FAF2: variants seen among roughly 807,000 people sequenced by gnomAD.
FAF2 encodes Fas associated factor family member 2.
In FAF2, 9 loss-of-function variants were observed where a neutral mutation model predicts 62.3. That is an observed-to-expected ratio of 0.14 (90% CI 0.09 to 0.25). The LOEUF is 0.25. Ranked by LOEUF, FAF2 falls within the 10% of genes least tolerant of loss-of-function variation. The pLI is 1.00. For synonymous variants in FAF2, 202 were observed against 198.0 expected, an observed-to-expected ratio of 1.02 and a Z score of -0.17; for missense variants, 368 against 556.2, an observed-to-expected ratio of 0.66 and a Z score of 3.40.
intron 10 of FAF2, among the ~76,000 whole-genome samples, chr5:176,502,632 G>A (rs551426888): frequency 6.6e-6 from 1 of 152,200 alleles, no homozygotes; most frequent in South Asian, 2.1e-4. Context: ...TGAGAGTTTT[G>A]GAGGAAAAAT....
chr5:176,490,152 A>G (rs1336833345), intron 4 of FAF2, among the ~76,000 whole-genome samples: 1 of 152,074 alleles, frequency 6.6e-6, no homozygotes, highest in Non-Finnish European at 1.5e-5. Context: ...TCTACTAAAA[A>G]TACAAAAAAT....
chr5:176,492,479 A>T, intron 5 of FAF2, 147 bp downstream of exon 5: 1 of 878,738 alleles, frequency 1.1e-6, no homozygotes, highest in Non-Finnish European at 1.6e-6. Context: ...AATAAAAAAG[A>T]CCAAACCTTT....
intron 9 of FAF2, among the ~76,000 whole-genome samples, chr5:176,499,616 C>G (rs931196410): frequency 6.9e-6 from 1 of 144,428 alleles, no homozygotes; most frequent in Non-Finnish European, 1.5e-5. Flanking sequence ...CCTTTTATTT[C>G]TTTTTTTTTT....
At chr5:176,479,477 T>C (rs991026771) in intron 2 of FAF2, among the ~76,000 whole-genome samples, 1 of 152,300 alleles carries the variant, frequency 6.6e-6, no homozygotes, top group East Asian at 1.9e-4. Flanking sequence ...CCCTACTGTT[T>C]GTTAGTATCT....
chr5:176,490,610 G>C (rs1371449111), intron 4 of FAF2, among the ~76,000 whole-genome samples: 2 of 152,120 alleles, frequency 1.3e-5, no homozygotes, highest in Non-Finnish European at 2.9e-5. Context: ...TTTTATATTG[G>C]ACCCTTGGTG....
rs140307370 is a variant in FAF2, at chr5:176,492,245, C to T, written c.396C>T (p.Pro132=). The T allele has an allele frequency of 1.1e-4, 178 of 1,614,096 alleles. No homozygotes were observed. In the African/African-American group the frequency reaches 1.6e-3, roughly 15 times the overall value. ...RPDPRSRVTD[P]VGDIVSFMHS... The stretch of plus-strand genomic sequence containing the variant: ...ACCCTCGCAGCCGGGTCACTGACCC[C>T]GTTGGGGACATTGTTTCATTTATGC... The change falls in exon 5 of 11, where the codon CCC becomes CCT. Residue 132 remains proline, a synonymous_variant. Transcript: ENST00000261942.
chr5:176,503,609 TA>T (rs1332789898), intron 10 of FAF2, among the ~76,000 whole-genome samples: 1 of 151,424 alleles, frequency 6.6e-6, no homozygotes, highest in African/African-American at 2.4e-5. Flanking sequence ...TGGTCCTTTG[TA>T]AATAATCTCC....
intron 1 of FAF2, among the ~76,000 whole-genome samples, chr5:176,456,196 C>G (rs139984237): frequency 3.3e-5 from 5 of 152,100 alleles, no homozygotes; most frequent in East Asian, 1.9e-4. Flanking sequence ...CTCAGCCTCC[C>G]GAGTAGCTGG....
chr5:176,495,914 G>GA lies in FAF2; in HGVS notation c.662-563dup, dbSNP rs555083306. Among the ~76,000 whole-genome samples the GA allele has an allele frequency of 1.2e-3, 175 of 150,686 alleles. 1 individual carries two copies. Among genetic ancestry groups the GA allele is most frequent in the East Asian group, 1.4e-3 (7 of 5,150 alleles). On this transcript the variant is annotated intron_variant, in intron 7 of 10. Coordinates refer to ENST00000261942, the MANE Select transcript of FAF2 (RefSeq NM_014613.3). The stretch of plus-strand genomic sequence containing the variant: ...AGGATAAGGAAAGGATTAGGCAAGA[G>GA]AAAAAAAAATGATGATGGAGATTAT...
intron 10 of FAF2, among the ~76,000 whole-genome samples, chr5:176,505,566 C>T (rs1339382011): frequency 3.9e-5 from 6 of 152,106 alleles, no homozygotes; most frequent in South Asian, 2.1e-4. Context: ...ACCCATCACC[C>T]GAGCAGTATA....
intron 2 of FAF2, among the ~76,000 whole-genome samples, chr5:176,480,101 C>T (rs1416278342): frequency 2.6e-5 from 4 of 152,206 alleles, no homozygotes; most frequent in African/African-American, 9.6e-5. Context: ...TTTGTTTTAA[C>T]TGCTGTATTC....
intron 4 of FAF2, among the ~76,000 whole-genome samples, chr5:176,489,704 A>C (rs1452025180): frequency 6.6e-6 from 1 of 151,922 alleles, no homozygotes; most frequent in East Asian, 1.9e-4. Flanking sequence ...CGCCTGGCTA[A>C]TTTTTGTATT....
intron 1 of FAF2, among the ~76,000 whole-genome samples, chr5:176,473,408 A>C (rs1184192571): frequency 6.6e-6 from 1 of 152,202 alleles, no homozygotes; most frequent in African/African-American, 2.4e-5. Flanking sequence ...CACTACATCA[A>C]ATCAAAGGTG....
chr5:176,500,483 T>G (rs1581076092), intron 10 of FAF2, among the ~76,000 whole-genome samples: 1 of 152,360 alleles, frequency 6.6e-6, no homozygotes, highest in East Asian at 1.9e-4. Flanking sequence ...TCTTCCTGCA[T>G]TGGCTTCAGA....
At chr5:176,495,769 C>T (rs1759048818) in intron 7 of FAF2, among the ~76,000 whole-genome samples, 2 of 150,844 alleles carry the variant, frequency 1.3e-5, no homozygotes, top group Non-Finnish European at 2.9e-5. Flanking sequence ...ACCTCCGCCT[C>T]CCAAAAGTGC....
At chr5:176,483,145 G>A (rs1194967610) in intron 2 of FAF2, among the ~76,000 whole-genome samples, 4 of 151,924 alleles carry the variant, frequency 2.6e-5, no homozygotes, top group Non-Finnish European at 5.9e-5. Context: ...TAACCTTGAA[G>A]TCCTGGGCTC....
At chr5:176,492,827 C>A (rs1758996990) in intron 5 of FAF2, among the ~76,000 whole-genome samples, 1 of 152,218 alleles carries the variant, frequency 6.6e-6, no homozygotes, top group South Asian at 2.1e-4. Flanking sequence ...ATTTTATATT[C>A]TTTCCTATAT....
At chr5:176,483,044 T>A (rs115935118) in intron 2 of FAF2, among the ~76,000 whole-genome samples, 2,158 of 151,726 alleles carry the variant, frequency 0.014, 59 homozygotes, top group African/African-American at 0.049. Context: ...TTCTTTTTTT[T>A]ATTTATTTTT....
chr5:176,506,692 TGTGTGCGTGTGTGC>T (rs1755689923), intron 10 of FAF2, 62 bp from the exon 11 acceptor site: 1 of 125,710 alleles, frequency 8.0e-6, no homozygotes, highest in South Asian at 8.5e-5. Flanking sequence ...TTCAGAGTTG[TGTGTGCGTGTGTGC>T]GTGTGTGTGT....
Sources: allele counts gnomAD v4.1 joint callset (sites outside exome capture counted in the v4.1 genomes callset), GRCh38; gene constraint gnomAD v4.1.1; transcripts MANE v1.5; gene names NCBI Gene and HGNC (gene_info 2026-07-23, HGNC 2026-07-21).